The following C8orf34 variants were observed in gnomAD, a reference collection of about 807,000 sequenced individuals.
C8orf34 encodes the protein chromosome 8 open reading frame 34, also known as uncharacterized protein C8orf34.
Under a neutral mutation model 68.3 loss-of-function variants are expected in C8orf34, and 65 were observed. That is an observed-to-expected ratio of 0.95 (90% CI 0.78 to 1.17). The LOEUF (loss-of-function observed/expected upper bound fraction) is 1.17. Among genes scored for constraint, C8orf34 ranks in the 50% most tolerant of loss-of-function variants. C8orf34 has a pLI of 0.00. For missense variants in C8orf34, 664 were observed against 655.4 expected (o/e 1.01, Z -0.14); for synonymous variants, 244 against 241.2 (o/e 1.01, Z -0.11).
At chr8:68,503,176 T>G (rs1283405918) in intron 5 of C8orf34, among the ~76,000 whole-genome samples, 1 of 152,220 alleles carries the variant, frequency 6.6e-6, no homozygotes, top group Non-Finnish European at 1.5e-5. Context: ...TTAGCCTGAC[T>G]TGTCCAGAGA....
At chr8:68,747,096 A>G (rs1305018068) in intron 10 of C8orf34, among the ~76,000 whole-genome samples, 2 of 152,032 alleles carry the variant, frequency 1.3e-5, no homozygotes, top group African/African-American at 4.8e-5. Flanking sequence ...AAATCAATAA[A>G]TGTAATCCAG....
At chr8:68,368,328 G>C (rs1025814949) in intron 1 of C8orf34, among the ~76,000 whole-genome samples, 1 of 152,010 alleles carries the variant, frequency 6.6e-6, no homozygotes, top group Non-Finnish European at 1.5e-5. Flanking sequence ...TGCAGAAATG[G>C]CAGTTTTGTT....
At chr8:68,419,047 C>G (rs1230691030) in intron 1 of C8orf34, among the ~76,000 whole-genome samples, 1 of 150,660 alleles carries the variant, frequency 6.6e-6, no homozygotes, top group Non-Finnish European at 1.5e-5. Flanking sequence ...AACAGGCAAC[C>G]TACAAAATGG....
chr8:68,640,392 A>G lies in C8orf34; in HGVS notation c.1122A>G (p.Leu374=). The change falls in exon 8 of 14, where the codon TTA becomes TTG. Residue 374 remains leucine, a synonymous_variant. Transcript: ENST00000518698. ...AMELLEDLND[L]RMEGVTTLVP... The stretch of plus-strand genomic sequence containing the variant: ...TTGTTACAGAGGATCTTAATGATTT[A>G]AGAATGGAGGGAGTAACAACCCTGG... The G allele has an allele frequency of 1.9e-6, 3 of 1,613,582 alleles. No homozygotes were observed. The highest frequency in any genetic ancestry group is 2.5e-6 in the Non-Finnish European group (3 of 1,179,678).
intron 3 of C8orf34, among the ~76,000 whole-genome samples, chr8:68,465,234 A>T (rs899894514): frequency 1.3e-5 from 2 of 152,054 alleles, no homozygotes; most frequent in Admixed American, 1.3e-4. Context: ...AGAAATGCAA[A>T]TCAAAACTAC....
intron 7 of C8orf34, among the ~76,000 whole-genome samples, chr8:68,613,819 T>A (rs1212724492): frequency 6.6e-6 from 1 of 152,150 alleles, no homozygotes; most frequent in Non-Finnish European, 1.5e-5. Flanking sequence ...ATGGAATGGC[T>A]GGGTCAAATG....
At chr8:68,705,195 G>C (rs550405680) in intron 8 of C8orf34, among the ~76,000 whole-genome samples, 10 of 152,190 alleles carry the variant, frequency 6.6e-5, no homozygotes, top group Non-Finnish European at 7.4e-5. Flanking sequence ...TAAGGATTTG[G>C]GTACACCAAT....
intron 7 of C8orf34, among the ~76,000 whole-genome samples, chr8:68,618,018 TTG>T (rs1193081229): frequency 6.6e-6 from 1 of 152,146 alleles, no homozygotes; most frequent in African/African-American, 2.4e-5. Flanking sequence ...CCTTTTTCTA[TTG>T]TGTTTTTTTA....
chr8:68,719,094 T>C (rs1171868293), intron 9 of C8orf34, among the ~76,000 whole-genome samples: 3 of 152,162 alleles, frequency 2.0e-5, no homozygotes, highest in African/African-American at 7.2e-5. Flanking sequence ...TAATGAGTGA[T>C]GTACTTAGAA....
chr8:68,726,620 A>G lies in C8orf34; in HGVS notation c.1404+5183A>G, dbSNP rs182747562. 7.2e-5 allele frequency among the ~76,000 whole-genome samples: 11 copies of G among 152,286 alleles called. 1 individual carries two copies. The highest frequency in any genetic ancestry group is 3.4e-3 in the Middle Eastern group (1 of 294). On this transcript the variant is annotated intron_variant, in intron 10 of 13. Transcript: ENST00000518698. Reference sequence around the variant, plus strand: ...AGTTCATTTTCATGCTGCTGATAAAAACATATCCAAGGCTGGGAAGAAAAA... The same window carrying G: ...AGTTCATTTTCATGCTGCTGATAAAGACATATCCAAGGCTGGGAAGAAAAA...
At chr8:68,719,413 T>C (rs1474626431) in intron 9 of C8orf34, among the ~76,000 whole-genome samples, 20 of 152,030 alleles carry the variant, frequency 1.3e-4, no homozygotes. Flanking sequence ...ATGTAAATCA[T>C]ACAAAGTTAC....
intron 8 of C8orf34, among the ~76,000 whole-genome samples, chr8:68,653,296 G>A (rs1377276069): frequency 6.6e-6 from 1 of 152,160 alleles, no homozygotes; most frequent in Non-Finnish European, 1.5e-5. Flanking sequence ...TTGTAGCCAA[G>A]GTTACTCGTT....
intron 1 of C8orf34, among the ~76,000 whole-genome samples, chr8:68,335,272 C>T (rs1047094844): frequency 5.3e-5 from 8 of 151,754 alleles, no homozygotes; most frequent in African/African-American, 1.2e-4. Context: ...AATAATTTGT[C>T]GTTAATAAAG....
At chr8:68,628,056 T>C (rs1401409749) in intron 7 of C8orf34, among the ~76,000 whole-genome samples, 1 of 152,164 alleles carries the variant, frequency 6.6e-6, no homozygotes, top group Non-Finnish European at 1.5e-5. Context: ...TCTCATGTGG[T>C]CAAGAAGAGT....
At chr8:68,471,748 A>C (rs989294736) in intron 4 of C8orf34, among the ~76,000 whole-genome samples, 2 of 152,110 alleles carry the variant, frequency 1.3e-5, no homozygotes, top group African/African-American at 2.4e-5. Flanking sequence ...TAGTGATCTA[A>C]TTTTAATGTA....
chr8:68,358,228 G>A (rs555768480), intron 1 of C8orf34, among the ~76,000 whole-genome samples: 2 of 151,898 alleles, frequency 1.3e-5, no homozygotes, highest in Admixed American at 1.3e-4. Flanking sequence ...GATTTGTTTG[G>A]CTCATTCTGG....
intron 5 of C8orf34, among the ~76,000 whole-genome samples, chr8:68,496,287 G>A (rs895483435): frequency 6.6e-6 from 1 of 152,072 alleles, no homozygotes; most frequent in Non-Finnish European, 1.5e-5. Context: ...AGTGCTTTGA[G>A]GACACATTCT....
At chr8:68,413,631 C>G (rs1396985884) in intron 1 of C8orf34, among the ~76,000 whole-genome samples, 2 of 152,198 alleles carry the variant, frequency 1.3e-5, no homozygotes, top group African/African-American at 4.8e-5. Flanking sequence ...CCCAGTCATT[C>G]AAGCCTGACA....
intron 1 of C8orf34, among the ~76,000 whole-genome samples, chr8:68,433,780 A>G (rs2129625064): frequency 6.6e-6 from 1 of 152,334 alleles, no homozygotes; most frequent in East Asian, 1.9e-4. Flanking sequence ...ATCTTTTACT[A>G]ATAATTTCTA....
Sources: gnomAD v4.1 joint callset for allele counts (sites outside exome capture counted in the v4.1 genomes callset) on GRCh38, gnomAD v4.1.1 for gene constraint, MANE v1.5 for transcripts, NCBI Gene and HGNC (gene_info 2026-07-23, HGNC 2026-07-21) for gene names.